SGCZ: variants seen among roughly 807,000 people sequenced by gnomAD.
SGCZ encodes zeta-sarcoglycan.
In SGCZ, 40 loss-of-function variants were observed where a neutral mutation model predicts 41.3. That is an observed-to-expected ratio of 0.97 (90% confidence interval 0.75 to 1.26). SGCZ has a LOEUF of 1.26. Ranked by LOEUF, SGCZ falls within the 50% of genes most tolerant of loss-of-function variation. SGCZ has a pLI of 0.00. For missense variants in SGCZ, 552 were observed against 369.8 expected (o/e 1.49, Z -4.04); for synonymous variants, 206 against 137.5 (o/e 1.50, Z -3.49).
intron 1 of SGCZ, among the ~76,000 whole-genome samples, chr8:14,930,249 A>G (rs1799887734): frequency 6.6e-6 from 1 of 152,074 alleles, no homozygotes. Context: ...GCTCATCAGG[A>G]ATTGTCTAGA....
intron 4 of SGCZ, among the ~76,000 whole-genome samples, chr8:14,233,647 T>A (rs552188543): frequency 4.0e-5 from 6 of 149,386 alleles, no homozygotes; most frequent in Non-Finnish European, 7.4e-5. Flanking sequence ...TAAAACAAAT[T>A]TCACAAAGAT....
At chr8:15,166,730 C>T (rs1384043740) in intron 1 of SGCZ, among the ~76,000 whole-genome samples, 2 of 152,190 alleles carry the variant, frequency 1.3e-5, no homozygotes, top group African/African-American at 2.4e-5. Context: ...TTTCTAACTG[C>T]AACTACCCTG....
intron 1 of SGCZ, among the ~76,000 whole-genome samples, chr8:14,737,220 T>C (rs1248410345): frequency 2.0e-5 from 3 of 150,736 alleles, no homozygotes; most frequent in Admixed American, 6.6e-5. Flanking sequence ...ATATTTTTCT[T>C]TGATGGTAGA....
At chr8:14,806,051 T>C (rs1359990550) in intron 1 of SGCZ, among the ~76,000 whole-genome samples, 3 of 151,626 alleles carry the variant, frequency 2.0e-5, no homozygotes, top group African/African-American at 7.3e-5. Context: ...AGATACAACA[T>C]ACCAGAATCT....
intron 1 of SGCZ, among the ~76,000 whole-genome samples, chr8:14,813,768 A>T (rs1189510607): frequency 1.3e-5 from 2 of 152,134 alleles, no homozygotes; most frequent in Non-Finnish European, 2.9e-5. Context: ...CGTGGCCAAC[A>T]TGCAGAAACT....
intron 1 of SGCZ, among the ~76,000 whole-genome samples, chr8:14,847,863 T>C (rs1004345749): frequency 2.0e-5 from 3 of 148,682 alleles, no homozygotes; most frequent in African/African-American, 7.4e-5. Context: ...GCTCCCACCA[T>C]CTCTAGTCAA....
At chr8:14,538,131 A>T (rs1009743167) in intron 2 of SGCZ, among the ~76,000 whole-genome samples, 24 of 152,058 alleles carry the variant, frequency 1.6e-4, no homozygotes, top group East Asian at 5.8e-4. Flanking sequence ...CGAAATATCC[A>T]TTCTCTGCTG....
chr8:14,432,079 G>A (rs758537969), intron 2 of SGCZ, among the ~76,000 whole-genome samples: 2 of 152,162 alleles, frequency 1.3e-5, no homozygotes, highest in Non-Finnish European at 2.9e-5. Context: ...TACCCTGCTG[G>A]TGGGAATGTA....
At chr8:14,959,610 C>A (rs917805768) in intron 1 of SGCZ, among the ~76,000 whole-genome samples, 6 of 152,100 alleles carry the variant, frequency 3.9e-5, no homozygotes, top group African/African-American at 1.2e-4. Context: ...TATCCACCAA[C>A]AACAGCAGAA....
chr8:14,801,818 G>C (rs962338818), intron 1 of SGCZ, among the ~76,000 whole-genome samples: 1 of 141,092 alleles, frequency 7.1e-6, no homozygotes, highest in East Asian at 2.2e-4. Context: ...ATTTTTATGT[G>C]CTTTAAAAAT....
At chr8:14,495,237 C>G (rs144206574) in intron 2 of SGCZ, among the ~76,000 whole-genome samples, 14 of 152,228 alleles carry the variant, frequency 9.2e-5, no homozygotes, top group African/African-American at 3.1e-4. Flanking sequence ...CCCTGAAAAG[C>G]TGGAGTGTTA....
chr8:14,410,520 T>G (rs1056418348), intron 2 of SGCZ, among the ~76,000 whole-genome samples: 1 of 146,644 alleles, frequency 6.8e-6, no homozygotes, highest in African/African-American at 2.6e-5. Context: ...TGTGAAATGC[T>G]GTGTAATTCT....
At chr8:14,164,544 A>T in intron 5 of SGCZ, 36 bp downstream of exon 5, 1 of 1,611,650 alleles carries the variant, frequency 6.2e-7, no homozygotes, top group Non-Finnish European at 8.5e-7. Flanking sequence ...TTCTTTAAAG[A>T]AGTAAACAAT....
Position 15,016,934 on chromosome 8 carries a change from A to G in SGCZ, c.39+220651T>C, listed in dbSNP as rs866080847. ...TAACAAGCAGATCTGGTAATAATTAATAGAGTAAGAAATCACTCACTACCC... is the reference window on the plus strand; with the variant it reads ...TAACAAGCAGATCTGGTAATAATTAGTAGAGTAAGAAATCACTCACTACCC... On this transcript the variant is annotated intron_variant, in intron 1 of 7. Coordinates refer to ENST00000382080, the MANE Select transcript of SGCZ (RefSeq NM_139167.4). Among the ~76,000 whole-genome samples, 4 of 152,090 alleles carry G rather than the reference A, an allele frequency of 2.6e-5. No homozygotes were observed. In the South Asian group the frequency reaches 8.3e-4, roughly 32 times the overall value.
intron 1 of SGCZ, among the ~76,000 whole-genome samples, chr8:15,027,790 G>A (rs1188706865): frequency 6.6e-6 from 1 of 151,876 alleles, no homozygotes; most frequent in Non-Finnish European, 1.5e-5. Flanking sequence ...AGAAGGGAGA[G>A]GGATAAAAAA....
At chr8:14,303,517 A>C (rs1254207222) in intron 3 of SGCZ, among the ~76,000 whole-genome samples, 4 of 152,110 alleles carry the variant, frequency 2.6e-5, no homozygotes, top group African/African-American at 9.7e-5. Flanking sequence ...CTACTTGCAG[A>C]AAAAGACAAA....
intron 1 of SGCZ, among the ~76,000 whole-genome samples, chr8:14,835,990 G>A (rs1802688084): frequency 6.6e-6 from 1 of 152,164 alleles, no homozygotes; most frequent in Non-Finnish European, 1.5e-5. Flanking sequence ...CCCAGCACGT[G>A]AGACTTGAAA....
intron 2 of SGCZ, among the ~76,000 whole-genome samples, chr8:14,428,098 A>ATG (rs1799837433): frequency 4.5e-5 from 1 of 22,148 alleles, no homozygotes; most frequent in East Asian, 1.4e-3. Context: ...GAATGGTTGT[A>ATG]TATACACACA....
chr8:14,810,672 G>A (rs926336291), intron 1 of SGCZ, among the ~76,000 whole-genome samples: 22 of 151,968 alleles, frequency 1.4e-4, no homozygotes, highest in African/African-American at 3.1e-4. Flanking sequence ...AGAGCTAACT[G>A]GATACATTAT....
Sources: allele counts gnomAD v4.1 joint callset (sites outside exome capture counted in the v4.1 genomes callset), GRCh38; gene constraint gnomAD v4.1.1; transcripts MANE v1.5; gene names NCBI Gene and HGNC (gene_info 2026-07-23, HGNC 2026-07-21).